Variants in MRPS31 observed in about 807,000 individuals in gnomAD.
The protein encoded by MRPS31 is mitochondrial ribosomal protein S31.
A neutral mutation model predicts 43.1 loss-of-function variants in MRPS31; 32 were observed. That is an observed-to-expected ratio of 0.74 (90% confidence interval 0.56 to 1.00). The LOEUF is 1.00. MRPS31 is among the 50% of genes least tolerant of loss of function. The pLI is 0.00. For missense variants in MRPS31, 437 were observed against 466.7 expected, an observed-to-expected ratio of 0.94 and a Z score of 0.59; for synonymous variants, 165 against 161.6, an observed-to-expected ratio of 1.02 and a Z score of -0.16.
chr13:40,761,005 T>G (rs77614209), intron 2 of MRPS31, among the ~76,000 whole-genome samples: 2,656 of 152,018 alleles, frequency 0.017, 55 homozygotes, highest in African/African-American at 0.058. Context: ...TCGGGCACGG[T>G]GGCTCATTCC....
At chr13:40,733,347 A>G (rs1157015060) in intron 6 of MRPS31, among the ~76,000 whole-genome samples, 1 of 151,546 alleles carries the variant, frequency 6.6e-6, no homozygotes, top group African/African-American at 2.4e-5. Flanking sequence ...CAAAAATCCA[A>G]TGGAGAGATT....
chr13:40,760,110 C>A (rs377408278), intron 2 of MRPS31, among the ~76,000 whole-genome samples: 18 of 142,654 alleles, frequency 1.3e-4, no homozygotes, highest in African/African-American at 4.4e-4. Flanking sequence ...GCACTCCAGC[C>A]TGGGTGTCAG....
chr13:40,736,606 A>G (rs1179514827), intron 6 of MRPS31, among the ~76,000 whole-genome samples: 5 of 151,166 alleles, frequency 3.3e-5, no homozygotes, highest in Non-Finnish European at 5.9e-5. Context: ...TACAAGCCAG[A>G]AGAGAGTGGG....
At chr13:40,750,943 T>C (rs989572601) in intron 5 of MRPS31, among the ~76,000 whole-genome samples, 3 of 151,992 alleles carry the variant, frequency 2.0e-5, no homozygotes, top group African/African-American at 7.2e-5. Flanking sequence ...GAGGCATAGA[T>C]TGCATATGAC....
intron 6 of MRPS31, among the ~76,000 whole-genome samples, chr13:40,740,883 G>C (rs1189589044): frequency 6.7e-6 from 1 of 149,022 alleles, no homozygotes; most frequent in Non-Finnish European, 1.5e-5. Context: ...ACATGTATAC[G>C]TATGTAACTA....
intron 6 of MRPS31, among the ~76,000 whole-genome samples, chr13:40,735,351 G>A (rs1274375785): frequency 6.6e-6 from 1 of 152,190 alleles, no homozygotes; most frequent in Non-Finnish European, 1.5e-5. Context: ...GTGAGGCTGC[G>A]GGAGGGGCGC....
At chr13:40,736,593 C>A (rs1047873779) in intron 6 of MRPS31, among the ~76,000 whole-genome samples, 3 of 151,112 alleles carry the variant, frequency 2.0e-5, no homozygotes, top group African/African-American at 4.9e-5. Context: ...TCGGCAGAAA[C>A]CCTACAAGCC....
intron 6 of MRPS31, among the ~76,000 whole-genome samples, chr13:40,745,620 C>T (rs1307943565): frequency 1.3e-5 from 2 of 152,148 alleles, no homozygotes; most frequent in East Asian, 3.8e-4. Flanking sequence ...AATATTTTCT[C>T]CTACACTGTG....
At chr13:40,751,744 T>C (rs1011151302) in intron 5 of MRPS31, among the ~76,000 whole-genome samples, 28 of 152,182 alleles carry the variant, frequency 1.8e-4, no homozygotes, top group African/African-American at 6.5e-4. Context: ...TTGTATTTAA[T>C]TGGGAACAAA....
At chr13:40,744,304 C>G (rs1016409855) in intron 6 of MRPS31, among the ~76,000 whole-genome samples, 1 of 152,106 alleles carries the variant, frequency 6.6e-6, no homozygotes, top group Non-Finnish European at 1.5e-5. Context: ...CCCTGACACT[C>G]CACTTACCCA....
chr13:40,729,611 G>T lies in MRPS31; in HGVS notation c.959-10C>A. 6.8e-7 allele frequency: 1 copy of T among 1,479,626 alleles called. No homozygotes were observed. The highest frequency in any genetic ancestry group is 1.1e-5 in the South Asian group (1 of 87,812). The allele number at this position is 1,479,626 out of a possible 1,614,324, so 91.7% of individuals were successfully genotyped here. On this transcript the variant is annotated splice_polypyrimidine_tract_variant and intron_variant, in intron 6 of 6. Transcript: ENST00000323563. ...CCATCATCATCAAAACCTAGGAAAT[G>T]AGACCAAATACATTACATTATAATT...
At chr13:40,767,988 G>A (rs1000638812) in intron 1 of MRPS31, among the ~76,000 whole-genome samples, 3 of 152,118 alleles carry the variant, frequency 2.0e-5, no homozygotes, top group African/African-American at 7.2e-5. Flanking sequence ...ATAATCAATG[G>A]CTAGAAATGT....
In MRPS31 at chr13:40,759,014, A is replaced by G; in HGVS notation, c.533T>C (p.Leu178Pro). The G allele has an allele frequency of 6.2e-7, 1 of 1,608,820 alleles. No individual in the cohort carries two copies. The highest frequency in any genetic ancestry group is 8.5e-7 in the Non-Finnish European group (1 of 1,178,064). The change falls in exon 3 of 7, where the codon CTG (leucine) becomes CCG (proline). Residue 178 changes from leucine to proline, a missense_variant. Coordinates refer to ENST00000323563, the MANE Select transcript of MRPS31 (RefSeq NM_005830.4). ...TTCCTCATGCTGCTGGAGCTGGCTC[A>G]GCAGCTCTGACTTGGTTGTTTGCTT... ...FDKQTTKSEL[L>P]SQLQQHEEES...
intron 6 of MRPS31, among the ~76,000 whole-genome samples, chr13:40,743,056 A>G (rs1317615532): frequency 2.6e-5 from 4 of 152,202 alleles, no homozygotes; most frequent in African/African-American, 7.2e-5. Flanking sequence ...TCACCCCTGT[A>G]ATCACAGCAC....
intron 4 of MRPS31, 94 bp from the exon 5 acceptor site, chr13:40,754,186 T>A: frequency 1.4e-6 from 1 of 704,916 alleles, no homozygotes; most frequent in Non-Finnish European, 2.2e-6. Flanking sequence ...ATATTCTATG[T>A]AGAAATTAAA....
At chr13:40,734,858 T>C (rs952987379) in intron 6 of MRPS31, among the ~76,000 whole-genome samples, 3 of 152,168 alleles carry the variant, frequency 2.0e-5, no homozygotes, top group Admixed American at 1.3e-4. Flanking sequence ...ATCCTGCCAC[T>C]GCACTCCAGT....
intron 1 of MRPS31, 108 bp downstream of exon 1, chr13:40,770,877 T>G: frequency 7.1e-7 from 1 of 1,400,000 alleles, no homozygotes; most frequent in Non-Finnish European, 1.0e-6. Flanking sequence ...GGGATTTCTC[T>G]TTCCTCAGAT....
rs776545469 is a variant in MRPS31, at chr13:40,749,320, G to GTT, written c.815-40_815-39insAA. 10 of 1,472,660 alleles carry GTT rather than the reference G, an allele frequency of 6.8e-6. No homozygotes were observed. In the South Asian group the frequency reaches 1.5e-4, roughly 22 times the overall value. 91.2% of individuals were successfully genotyped at this position (1,472,660 alleles called of 1,614,324 possible). On this transcript the variant is annotated intron_variant, in intron 5 of 6. Transcript: ENST00000323563. The stretch of plus-strand genomic sequence containing the variant: ...ACATTTTAGATAACAACAAGTCAAT[G>GTT]TAAGTATCTTTTTTTAAAAGTTACA...
chr13:40,767,649 G>T (rs1566112939), intron 1 of MRPS31, among the ~76,000 whole-genome samples: 1 of 152,148 alleles, frequency 6.6e-6, no homozygotes, highest in Non-Finnish European at 1.5e-5. Context: ...GGTGGCCAGG[G>T]GAGGTCTGGG....
Sources: gnomAD v4.1 joint callset for allele counts (sites outside exome capture counted in the v4.1 genomes callset) on GRCh38, gnomAD v4.1.1 for gene constraint, MANE v1.5 for transcripts, NCBI Gene and HGNC (gene_info 2026-07-23, HGNC 2026-07-21) for gene names.